Variants in SLIT3 observed in about 807,000 individuals in gnomAD.
SLIT3 encodes slit homolog 3 protein.
A neutral mutation model predicts 184.0 loss-of-function variants in SLIT3; 68 were observed. The ratio of observed to expected loss-of-function variants is 0.37; its 90% CI spans 0.30 to 0.45. The LOEUF is 0.45. Among genes scored for constraint, SLIT3 ranks in the 20% least tolerant of loss-of-function variants. The probability of loss-of-function intolerance (pLI) is 1.00; values close to 1 mark genes in which losing one functional copy is unlikely to be tolerated. For missense variants in SLIT3, 1,707 were observed against 2,026.0 expected (o/e 0.84, Z 3.02); for synonymous variants, 831 against 828.6 (o/e 1.00, Z -0.05).
At chr5:169,281,482 C>T (rs1034726081) in intron 1 of SLIT3, among the ~76,000 whole-genome samples, 1 of 152,142 alleles carries the variant, frequency 6.6e-6, no homozygotes, top group Non-Finnish European at 1.5e-5. Flanking sequence ...CTCAACTCGA[C>T]CCAGCTTTGC....
intron 4 of SLIT3, among the ~76,000 whole-genome samples, chr5:169,025,943 G>A (rs72826562): frequency 0.013 from 1,990 of 152,238 alleles, 15 homozygotes; most frequent in Non-Finnish European, 0.014. Flanking sequence ...AGCCACCTGC[G>A]ATTTCCCAGG....
intron 4 of SLIT3, among the ~76,000 whole-genome samples, chr5:168,943,508 G>T (rs918000977): frequency 6.6e-5 from 10 of 152,178 alleles, no homozygotes; most frequent in Admixed American, 6.5e-4. Context: ...AGTAATCTCA[G>T]TTCTGGGACA....
chr5:168,993,565 T>G (rs1561595018), intron 4 of SLIT3, among the ~76,000 whole-genome samples: 2 of 152,216 alleles, frequency 1.3e-5, no homozygotes, highest in Admixed American at 6.5e-5. Context: ...TGAAGGCCCT[T>G]TTGTCTTAGA....
chr5:169,123,596 T>C (rs1029649348), intron 4 of SLIT3, among the ~76,000 whole-genome samples: 1 of 152,194 alleles, frequency 6.6e-6, no homozygotes, highest in African/African-American at 2.4e-5. Flanking sequence ...GCCAAAACTG[T>C]TGTACCCAAA....
chr5:169,099,026 T>A (rs896419108), intron 4 of SLIT3, among the ~76,000 whole-genome samples: 95 of 152,000 alleles, frequency 6.3e-4, no homozygotes, highest in African/African-American at 2.1e-3. Context: ...AGTTGCCTGG[T>A]GGCTACATCT....
chr5:168,778,173 T>C (rs995278994), intron 12 of SLIT3, among the ~76,000 whole-genome samples: 8 of 152,204 alleles, frequency 5.3e-5, no homozygotes, highest in African/African-American at 1.7e-4. Context: ...CTCTACAGAC[T>C]ACATCTCTGT....
At chr5:169,097,186 T>C (rs1045851892) in intron 4 of SLIT3, among the ~76,000 whole-genome samples, 3 of 152,242 alleles carry the variant, frequency 2.0e-5, no homozygotes, top group African/African-American at 2.4e-5. Flanking sequence ...TTGCTGTCTC[T>C]ACCTGAAATG....
chr5:169,284,162 T>C (rs1044364263), intron 1 of SLIT3, among the ~76,000 whole-genome samples: 2 of 152,208 alleles, frequency 1.3e-5, no homozygotes, highest in Admixed American at 1.3e-4. Flanking sequence ...ACAGGATCTA[T>C]CCGGTGAGGA....
intron 9 of SLIT3, among the ~76,000 whole-genome samples, chr5:168,805,785 A>G (rs1267771924): frequency 6.6e-6 from 1 of 152,212 alleles, no homozygotes; most frequent in Non-Finnish European, 1.5e-5. Flanking sequence ...GTAGCTAAGA[A>G]ATGAGTGAAT....
rs541390785 is a variant in SLIT3 at position 168,923,593 on chromosome 5, T to C, written c.414-40257A>G. Among the ~76,000 whole-genome samples the C allele has an allele frequency of 2.6e-5, 4 of 151,264 alleles. 1 individual carries two copies. Among genetic ancestry groups the C allele is most frequent in the African/African-American group, 9.7e-5 (4 of 41,184 alleles). On this transcript the variant is annotated intron_variant, in intron 4 of 35. Coordinates refer to ENST00000519560, the MANE Select transcript of SLIT3 (RefSeq NM_003062.4). ...GTGCAGTGGCACAGTCTCGACTCACTGCAACCTCCGCCTCCTGGGTTCAAG... is the reference window on the plus strand; with the variant it reads ...GTGCAGTGGCACAGTCTCGACTCACCGCAACCTCCGCCTCCTGGGTTCAAG...
At chr5:168,917,956 A>C (rs1761497580) in intron 4 of SLIT3, among the ~76,000 whole-genome samples, 1 of 152,198 alleles carries the variant, frequency 6.6e-6, no homozygotes, top group African/African-American at 2.4e-5. Context: ...AGAAAGAGGG[A>C]GTATGGATTA....
intron 6 of SLIT3, among the ~76,000 whole-genome samples, chr5:168,827,129 T>A (rs1472362036): frequency 6.6e-6 from 1 of 152,220 alleles, no homozygotes; most frequent in Admixed American, 6.5e-5. Flanking sequence ...CACCTCCATT[T>A]CATGATTGAA....
intron 20 of SLIT3, among the ~76,000 whole-genome samples, chr5:168,728,969 TA>T (rs1469198729): frequency 6.8e-6 from 1 of 148,118 alleles, no homozygotes; most frequent in African/African-American, 2.5e-5. Context: ...ATTCTGAAAC[TA>T]AAAAATTAAT....
intron 4 of SLIT3, among the ~76,000 whole-genome samples, chr5:168,894,949 CT>C (rs1760610808): frequency 6.6e-6 from 1 of 151,984 alleles, no homozygotes; most frequent in South Asian, 2.1e-4. Context: ...TTCTGATGAT[CT>C]TTGGGATAAT....
At chr5:169,100,873 T>C (rs148851172) in intron 4 of SLIT3, among the ~76,000 whole-genome samples, 129 of 152,238 alleles carry the variant, frequency 8.5e-4, no homozygotes, top group South Asian at 2.1e-3. Context: ...TGCAGGAAAA[T>C]CCCATGTGTC....
chr5:168,705,214 G>C (rs752352126), intron 26 of SLIT3, among the ~76,000 whole-genome samples: 2 of 152,158 alleles, frequency 1.3e-5, no homozygotes, highest in African/African-American at 2.4e-5. Flanking sequence ...CAGTGGCCAG[G>C]AGCACAGCTT....
chr5:168,789,764 C>G, intron 10 of SLIT3, 133 bp from the exon 11 acceptor site: 1 of 688,486 alleles, frequency 1.5e-6, no homozygotes, highest in Non-Finnish European at 2.6e-6. Flanking sequence ...TTCATTTACT[C>G]ATAGTGCAAG....
At position 168,760,357 on chromosome 5, in the gene SLIT3, G is replaced by C. The variant is rs141921151; in HGVS notation, c.1685+505C>G. On this transcript the variant is annotated intron_variant, in intron 16 of 35. Transcript: ENST00000519560. ...GCAAGTGGGCCCTTGCCTAGGCCAA[G>C]GCATGGTCAGACCCACGGACTCCTG... Among the ~76,000 whole-genome samples, 496 of 152,306 alleles carry C rather than the reference G, an allele frequency of 3.3e-3. 12 individuals carry two copies. The highest frequency in any genetic ancestry group is 0.029 in the Admixed American group (442 of 15,306).
At chr5:169,211,122 A>T in intron 3 of SLIT3, among the ~76,000 whole-genome samples, 1 of 152,160 alleles carries the variant, frequency 6.6e-6, no homozygotes. Context: ...CTGAATCCAA[A>T]CCCAACTGAG....
Sources: allele counts gnomAD v4.1 joint callset (sites outside exome capture counted in the v4.1 genomes callset), GRCh38; gene constraint gnomAD v4.1.1; transcripts MANE v1.5; gene names NCBI Gene and HGNC (gene_info 2026-07-23, HGNC 2026-07-21).